ARHGAP35: variants seen among roughly 807,000 people sequenced by gnomAD.
The protein encoded by ARHGAP35 is rho GTPase-activating protein 35.
In ARHGAP35, 15 loss-of-function variants were observed where a neutral mutation model predicts 111.1. The ratio of observed to expected loss-of-function variants is 0.13; its 90% confidence interval spans 0.09 to 0.21. The LOEUF (loss-of-function observed/expected upper bound fraction) is 0.21, where lower values mean the gene tolerates loss of function less well. Among genes scored for constraint, ARHGAP35 ranks in the 10% least tolerant of loss-of-function variants. ARHGAP35 has a pLI of 1.00. For missense variants in ARHGAP35, 1,262 were observed against 1,873.0 expected, an observed-to-expected ratio of 0.67 and a Z score of 6.02; for synonymous variants, 643 against 710.3, an observed-to-expected ratio of 0.91 and a Z score of 1.51.
chr19:46,893,705 G>T (rs745766625), intron 1 of ARHGAP35, among the ~76,000 whole-genome samples: 3 of 151,728 alleles, frequency 2.0e-5, no homozygotes, highest in African/African-American at 4.8e-5. Flanking sequence ...ATGATCCCAG[G>T]GTTTAGGTAG....
chr19:46,957,438 A>G (rs1209483598), intron 3 of ARHGAP35, among the ~76,000 whole-genome samples: 1 of 151,664 alleles, frequency 6.6e-6, no homozygotes, highest in Non-Finnish European at 1.5e-5. Flanking sequence ...ATATAGGGAA[A>G]CCCTGCCTGT....
At chr19:46,980,302 T>C (rs1173156507) in intron 3 of ARHGAP35, among the ~76,000 whole-genome samples, 1 of 152,166 alleles carries the variant, frequency 6.6e-6, no homozygotes, top group Non-Finnish European at 1.5e-5. Flanking sequence ...GGAGAATCGC[T>C]GGAACCCGGG....
At chr19:46,950,507 C>T (rs2056405565) in intron 3 of ARHGAP35, among the ~76,000 whole-genome samples, 1 of 152,208 alleles carries the variant, frequency 6.6e-6, no homozygotes, top group Non-Finnish European at 1.5e-5. Flanking sequence ...ATGATGTCTC[C>T]AAGCACGTAT....
At chr19:46,862,905 G>A (rs949027771) in intron 1 of ARHGAP35, among the ~76,000 whole-genome samples, 1 of 151,962 alleles carries the variant, frequency 6.6e-6, no homozygotes, top group African/African-American at 2.4e-5. Flanking sequence ...CTCCAATTGT[G>A]ACATTACGAT....
rs1022290041 is a variant in ARHGAP35 at position 46,992,057 on chromosome 19, A to G, written c.4036+2382A>G. 6.6e-6 allele frequency among the ~76,000 whole-genome samples: 1 copy of G among 152,162 alleles called. No homozygotes were observed. Among genetic ancestry groups the G allele is most frequent in the Non-Finnish European group, 1.5e-5 (1 of 68,032 alleles). On this transcript the variant is annotated intron_variant, in intron 5 of 6. Coordinates refer to ENST00000672722, the MANE Select transcript of ARHGAP35 (RefSeq NM_004491.5). This position sits in a 1 kb window ranked among gnomAD's most constrained non-coding sequence, Gnocchi z 4.4. ...AGACGTTTGTGATTATTTGCCAGTT[A>G]TTTTCCTCCCACACTCAAGGTGACA...
intron 3 of ARHGAP35, among the ~76,000 whole-genome samples, chr19:46,975,374 G>C (rs2056574244): frequency 6.6e-6 from 1 of 152,170 alleles, no homozygotes; most frequent in Non-Finnish European, 1.5e-5. Context: ...CGCAGGAGAG[G>C]AGGCTGCCAG....
rs2056377328 is a variant in ARHGAP35 at position 46,945,988 on chromosome 19, C to T, written c.3826+8580C>T. 6.6e-6 allele frequency among the ~76,000 whole-genome samples: 1 copy of T among 152,176 alleles called. No homozygotes were observed. Among genetic ancestry groups the T allele is most frequent in the African/African-American group, 2.4e-5 (1 of 41,448 alleles). ...AAGAGGAATTGTGCCTAGGGAGAAA[C>T]AGTTTTACTGGGGCAGAAGGCACCC... On this transcript the variant is annotated intron_variant, in intron 3 of 6. Coordinates refer to ENST00000672722, the MANE Select transcript of ARHGAP35 (RefSeq NM_004491.5). This position sits in a 1 kb window ranked among gnomAD's most constrained non-coding sequence, Gnocchi z 4.1.
At chr19:46,978,058 C>G (rs144934296) in intron 3 of ARHGAP35, among the ~76,000 whole-genome samples, 8 of 152,260 alleles carry the variant, frequency 5.3e-5, no homozygotes, top group African/African-American at 1.9e-4. Flanking sequence ...TGTAGGGAGG[C>G]CCTGCAAGTT....
At chr19:46,991,790 TG>T (rs2056680615) in intron 5 of ARHGAP35, among the ~76,000 whole-genome samples, 1 of 152,200 alleles carries the variant, frequency 6.6e-6, no homozygotes. Context: ...AGGGATATTA[TG>T]GAAAAAAGAT....
chr19:46,944,487 T>C (rs1332993120), intron 3 of ARHGAP35, among the ~76,000 whole-genome samples: 1 of 152,186 alleles, frequency 6.6e-6, no homozygotes, highest in Non-Finnish European at 1.5e-5. Flanking sequence ...AGATCATCTC[T>C]GTGCTGTTCC....
At chr19:46,880,547 A>T (rs2055956083) in intron 1 of ARHGAP35, among the ~76,000 whole-genome samples, 1 of 152,166 alleles carries the variant, frequency 6.6e-6, no homozygotes, top group East Asian at 1.9e-4. Context: ...ATCTGTGGTG[A>T]CTTTATTCAA....
rs2056375089 is a variant in ARHGAP35 at position 46,945,634 on chromosome 19, C to T, written c.3826+8226C>T. ...TCCAAGTGTCGTCACACCTGCCCAC[C>T]CGGGACGGTCTCAGCGTTCTGGAGA... On this transcript the variant is annotated intron_variant, in intron 3 of 6. Transcript: ENST00000672722. This position sits in a 1 kb window ranked among gnomAD's most constrained non-coding sequence, Gnocchi z 4.1. Among the ~76,000 whole-genome samples the T allele has an allele frequency of 6.6e-6, 1 of 152,140 alleles. No individual in the cohort carries two copies. The highest frequency in any genetic ancestry group is 2.1e-4 in the South Asian group (1 of 4,816).
rs1434397753 is a variant in ARHGAP35 at position 46,992,663 on chromosome 19, A to G, written c.4036+2988A>G. On this transcript the variant is annotated intron_variant, in intron 5 of 6. Coordinates refer to ENST00000672722, the MANE Select transcript of ARHGAP35 (RefSeq NM_004491.5). This position sits in a 1 kb window ranked among gnomAD's most constrained non-coding sequence, Gnocchi z 4.4. ...CTCCGTCTCAAGCCAGAGGGTCAGG[A>G]CCAAAGGACCTGTGGCTCCAGGGTC... Among the ~76,000 whole-genome samples the G allele has an allele frequency of 2.6e-5, 4 of 152,192 alleles. No homozygotes were observed. The highest frequency in any genetic ancestry group is 2.6e-4 in the Admixed American group (4 of 15,282).
intron 1 of ARHGAP35, among the ~76,000 whole-genome samples, chr19:46,915,629 G>T (rs1874450797): frequency 6.6e-6 from 1 of 152,158 alleles, no homozygotes; most frequent in African/African-American, 2.4e-5. Context: ...GGCAAGCCTA[G>T]GTTCCTACAG....
chr19:46,930,200 C>T (rs967406555), intron 2 of ARHGAP35, among the ~76,000 whole-genome samples: 3 of 151,876 alleles, frequency 2.0e-5, no homozygotes, highest in Non-Finnish European at 4.4e-5. Context: ...AACTCCGTCT[C>T]TACAAAATAT....
intron 1 of ARHGAP35, among the ~76,000 whole-genome samples, chr19:46,907,088 T>C (rs1453351274): frequency 6.6e-6 from 1 of 152,130 alleles, no homozygotes; most frequent in Non-Finnish European, 1.5e-5. Flanking sequence ...TGAGACCCTG[T>C]CTAAAAAAAA....
chr19:46,930,242 C>T (rs916163448), intron 2 of ARHGAP35, among the ~76,000 whole-genome samples: 2 of 151,574 alleles, frequency 1.3e-5, no homozygotes, highest in African/African-American at 4.9e-5. Flanking sequence ...ACCTGTAGTC[C>T]CAGCTAGTTG....
chr19:46,920,661 C>T lies in ARHGAP35; in HGVS notation c.1986C>T (p.Leu662=), dbSNP rs1460269923. ...QTPTFQPHGC[L]CLYNSKESLS... is the part of the protein sequence containing the mutation. The stretch of plus-strand genomic sequence containing the variant: ...CAACATTTCAGCCCCACGGCTGTCT[C>T]TGCCTTTACAATTCAAAGGAATCGC... The change falls in exon 2 of 7, where the codon CTC becomes CTT. Residue 662 remains leucine, a synonymous_variant. Transcript: ENST00000672722. This position sits in a 1 kb window ranked among gnomAD's most constrained non-coding sequence, Gnocchi z 7.0. 1.2e-6 allele frequency: 2 copies of T among 1,613,998 alleles called. No homozygotes were observed. Among genetic ancestry groups the T allele is most frequent in the Admixed American group, 3.3e-5 (2 of 60,028 alleles).
intron 1 of ARHGAP35, among the ~76,000 whole-genome samples, chr19:46,888,092 C>T (rs1315790977): frequency 1.3e-5 from 2 of 150,106 alleles, no homozygotes; most frequent in Non-Finnish European, 3.0e-5. Context: ...GCTGGGACTA[C>T]AGGCGCCCGC....
Sources: allele counts gnomAD v4.1 joint callset (sites outside exome capture counted in the v4.1 genomes callset), GRCh38; gene constraint gnomAD v4.1.1; non-coding constraint Gnocchi (gnomAD v3.1); transcripts MANE v1.5; gene names NCBI Gene and HGNC (gene_info 2026-07-23, HGNC 2026-07-21).